CAMTA1: variants seen among roughly 807,000 people sequenced by gnomAD.
The protein encoded by CAMTA1 is calmodulin-binding transcription activator 1.
In CAMTA1, 27 loss-of-function variants were observed where a neutral mutation model predicts 170.9. That is an observed-to-expected ratio of 0.16 (90% confidence interval 0.12 to 0.22). The LOEUF (loss-of-function observed/expected upper bound fraction) is 0.22. Ranked by LOEUF, CAMTA1 falls within the 10% of genes least tolerant of loss-of-function variation. CAMTA1 has a pLI of 1.00. For synonymous variants in CAMTA1, 833 were observed against 891.5 expected, an observed-to-expected ratio of 0.93 and a Z score of 1.17; for missense variants, 1,619 against 2,217.2, an observed-to-expected ratio of 0.73 and a Z score of 5.42.
intron 11 of CAMTA1, among the ~76,000 whole-genome samples, chr1:7,719,460 A>G (rs2096635389): frequency 6.6e-6 from 1 of 152,232 alleles, no homozygotes; most frequent in Non-Finnish European, 1.5e-5. Context: ...ATAGTGTAAA[A>G]CAAAGATCAG....
At chr1:7,577,135 G>A (rs1390778588) in intron 6 of CAMTA1, among the ~76,000 whole-genome samples, 3 of 152,196 alleles carry the variant, frequency 2.0e-5, no homozygotes, top group African/African-American at 7.2e-5. Flanking sequence ...CAACAAGCCA[G>A]CATCGTCCTC....
At chr1:7,137,505 C>T (rs1645611014) in intron 4 of CAMTA1, among the ~76,000 whole-genome samples, 1 of 152,104 alleles carries the variant, frequency 6.6e-6, no homozygotes, top group South Asian at 2.1e-4. Flanking sequence ...TTTAAATGTA[C>T]GATCCCCCGC....
intron 7 of CAMTA1, among the ~76,000 whole-genome samples, chr1:7,650,909 T>C (rs1288396848): frequency 6.6e-6 from 1 of 152,074 alleles, no homozygotes; most frequent in Non-Finnish European, 1.5e-5. Context: ...CAGTGAAAAT[T>C]AAACCAACCC....
chr1:7,381,947 T>C (rs2087385738), intron 5 of CAMTA1, among the ~76,000 whole-genome samples: 1 of 152,116 alleles, frequency 6.6e-6, no homozygotes, highest in East Asian at 1.9e-4. Flanking sequence ...GGTTAGAGGG[T>C]TGAGAACTGG....
At chr1:7,498,103 G>A (rs554260812) in intron 6 of CAMTA1, among the ~76,000 whole-genome samples, 1 of 152,232 alleles carries the variant, frequency 6.6e-6, no homozygotes, top group South Asian at 2.1e-4. Flanking sequence ...GAGGAGAGGG[G>A]GAGGGAGGAA....
chr1:7,052,953 G>A (rs980530058), intron 3 of CAMTA1, among the ~76,000 whole-genome samples: 5 of 152,302 alleles, frequency 3.3e-5, no homozygotes, highest in Middle Eastern at 3.4e-3. Flanking sequence ...CCATCGCCCA[G>A]AGCAGAGGAG....
Position 7,665,103 on chromosome 1 carries a change from C to T in CAMTA1, c.2556C>T (p.Val852=). The change falls in exon 9 of 23, where the codon GTC becomes GTT. Residue 852 remains valine (V), a synonymous_variant. Coordinates refer to ENST00000303635, the MANE Select transcript of CAMTA1 (RefSeq NM_015215.4). This position sits in a 1 kb window ranked among gnomAD's most constrained non-coding sequence, Gnocchi z 4.3. ...CCTACATGCACGTCGCCGAGGTGGT[C>T]TCGGCCGCCTCGGCCCAGGGCACCC... ...TMAYMHVAEV[V]SAASAQGTLG... is the part of the protein sequence containing the mutation. 1.3e-6 allele frequency: 2 copies of T among 1,531,296 alleles called. No individual in the cohort carries two copies. The highest frequency in any genetic ancestry group is 1.8e-6 in the Non-Finnish European group (2 of 1,141,944). The allele number at this position is 1,531,296 out of a possible 1,614,324, so 94.9% of individuals were successfully genotyped here. A position where few individuals can be genotyped will look rare whatever the true frequency, so the allele number is the denominator to read the frequency against.
intron 4 of CAMTA1, among the ~76,000 whole-genome samples, chr1:7,160,411 G>A (rs1178391276): frequency 6.6e-6 from 1 of 151,898 alleles, no homozygotes; most frequent in Non-Finnish European, 1.5e-5. Flanking sequence ...GCCATCGGAC[G>A]TTTCTCAGTC....
chr1:7,445,438 G>A (rs1008607231), intron 5 of CAMTA1, among the ~76,000 whole-genome samples: 3 of 152,048 alleles, frequency 2.0e-5, no homozygotes, highest in Admixed American at 6.5e-5. Flanking sequence ...GCCGGGGGAT[G>A]CCCCACTGCC....
rs924951272 is a variant in CAMTA1, at chr1:6,971,290, G to T, written c.235-120014G>T. 7.9e-5 allele frequency among the ~76,000 whole-genome samples: 12 copies of T among 152,192 alleles called. No homozygotes were observed. The highest frequency in any genetic ancestry group is 2.9e-4 in the African/African-American group (12 of 41,444). On this transcript the variant is annotated intron_variant, in intron 3 of 22. Transcript: ENST00000303635. The surrounding 1 kb of genome is among the most constrained non-coding windows in gnomAD (Gnocchi z 4.6). ...GAGTATTTATAGCAACGCCTCTTTT[G>T]CTGGAGTGTTGAACTTTCTTCTTTG... is the stretch of plus-strand genomic sequence containing the variant.
chr1:6,961,919 T>A (rs894092804), intron 3 of CAMTA1, among the ~76,000 whole-genome samples: 5 of 152,152 alleles, frequency 3.3e-5, no homozygotes, highest in Non-Finnish European at 5.9e-5. Context: ...GGGAAGCCCC[T>A]TTTCCTGGGG....
chr1:6,954,918 C>T, intron 3 of CAMTA1, among the ~76,000 whole-genome samples: 1 of 152,150 alleles, frequency 6.6e-6, no homozygotes, highest in East Asian at 1.9e-4. Flanking sequence ...CCACCCTGAC[C>T]TTTCTCAGCA....
At chr1:7,499,020 ATGAG>A (rs146615714) in intron 6 of CAMTA1, among the ~76,000 whole-genome samples, 61,685 of 105,832 alleles carry the variant, frequency 0.58, 17,859 homozygotes, top group African/African-American at 0.76. Context: ...ATGTGTGTCC[ATGAG>A]TGAGTGTGTA....
At chr1:7,301,685 G>C (rs1247998314) in intron 5 of CAMTA1, among the ~76,000 whole-genome samples, 3 of 152,204 alleles carry the variant, frequency 2.0e-5, no homozygotes, top group African/African-American at 7.2e-5. Flanking sequence ...TTGAAGACTG[G>C]GACAGACATG....
At chr1:7,479,355 C>T (rs1213108053) in intron 6 of CAMTA1, among the ~76,000 whole-genome samples, 6 of 152,172 alleles carry the variant, frequency 3.9e-5, no homozygotes, top group African/African-American at 1.4e-4. Context: ...CCTCCCCTCT[C>T]AGTTCTCCTG....
Position 7,467,856 on chromosome 1 carries a change from C to T in CAMTA1, c.465C>T (p.Ser155=), listed in dbSNP as rs1470102751. Residue 155 remains serine (S), a synonymous_variant, in exon 6 of 23, where the codon TCC becomes TCT. Transcript: ENST00000303635. ...VECLYGCYVH[S]SIIPTFHRRC... is the part of the protein sequence containing the mutation. ...GCTTGTACGGCTGCTATGTCCATTC[C>T]TCCATCATCCCCACCTTCCACCGGA... 1 of 1,613,934 alleles carries T rather than the reference C, an allele frequency of 6.2e-7. No homozygotes were observed. Among genetic ancestry groups the T allele is most frequent in the African/African-American group, 1.3e-5 (1 of 74,932 alleles).
intron 6 of CAMTA1, among the ~76,000 whole-genome samples, chr1:7,526,004 C>CA (rs917771319): frequency 6.7e-6 from 1 of 149,348 alleles, no homozygotes; most frequent in African/African-American, 2.5e-5. Context: ...TAAGGTGGTA[C>CA]AAAAAAAAAT....
rs1005605136 is a variant in CAMTA1 at position 7,614,785 on chromosome 1, G to A, written c.511-25615G>A. On this transcript the variant is annotated intron_variant, in intron 6 of 22. Coordinates refer to ENST00000303635, the MANE Select transcript of CAMTA1 (RefSeq NM_015215.4). ...GCTCATCTGATGGGCCCCCAGCCCC[G>A]CTGCTCCCACCTCCCGAGGCTCCTG... is the stretch of plus-strand genomic sequence containing the variant. Among the ~76,000 whole-genome samples, 8 of 152,106 alleles carry A rather than the reference G, an allele frequency of 5.3e-5. No individual in the cohort carries two copies. In the East Asian group the frequency reaches 7.7e-4, roughly 15 times the overall value.
intron 6 of CAMTA1, among the ~76,000 whole-genome samples, chr1:7,499,655 GTGAGTGTGTGCA>G (rs1489770112): frequency 1.4e-5 from 2 of 144,224 alleles, no homozygotes; most frequent in African/African-American, 2.6e-5. Context: ...GCATGTGTAT[GTGAGTGTGTGCA>G]TGAGTGTGTG....
Sources: gnomAD v4.1 joint callset for allele counts (sites outside exome capture counted in the v4.1 genomes callset) on GRCh38, gnomAD v4.1.1 for gene constraint, Gnocchi (gnomAD v3.1) non-coding constraint, MANE v1.5 for transcripts, NCBI Gene and HGNC (gene_info 2026-07-23, HGNC 2026-07-21) for gene names.